The following DAB1 variants were observed in gnomAD, a reference collection of about 807,000 sequenced individuals.
DAB1 encodes the protein DAB adaptor protein 1, also known as disabled homolog 1.
In DAB1, 15 loss-of-function variants were observed where a neutral mutation model predicts 64.6. That is an observed-to-expected ratio of 0.23 (90% CI 0.16 to 0.36). DAB1 has a LOEUF of 0.36. DAB1 is among the 10% of genes least tolerant of loss of function. The pLI, the probability that DAB1 is intolerant of heterozygous loss-of-function variation, is 1.00. For missense variants in DAB1, 596 were observed against 706.7 expected, an observed-to-expected ratio of 0.84 and a Z score of 1.78; for synonymous variants, 235 against 251.9, an observed-to-expected ratio of 0.93 and a Z score of 0.64.
At chr1:57,948,773 C>G (rs910685497) in intron 5 of DAB1, among the ~76,000 whole-genome samples, 1 of 152,062 alleles carries the variant, frequency 6.6e-6, no homozygotes, top group African/African-American at 2.4e-5. Context: ...CTGAAGTTAC[C>G]GGGGAAGCCA....
intron 6 of DAB1, among the ~76,000 whole-genome samples, chr1:57,678,297 T>C (rs148536058): frequency 6.6e-6 from 1 of 152,174 alleles, no homozygotes. Flanking sequence ...AGAGCATGCA[T>C]TGAGAACTAA....
At chr1:58,247,740 T>C (rs906891179) in intron 4 of DAB1, among the ~76,000 whole-genome samples, 2 of 152,002 alleles carry the variant, frequency 1.3e-5, no homozygotes, top group Non-Finnish European at 2.9e-5. Context: ...CCCTCTCTGC[T>C]TTTCCTTCCC....
chr1:57,698,939 C>G (rs563371718), intron 6 of DAB1, among the ~76,000 whole-genome samples: 103 of 152,198 alleles, frequency 6.8e-4, no homozygotes, highest in African/African-American at 2.4e-3. Flanking sequence ...AAATTATTTA[C>G]TTAATTAATT....
intron 7 of DAB1, among the ~76,000 whole-genome samples, chr1:57,562,087 G>C (rs765550346): frequency 1.3e-5 from 2 of 152,184 alleles, no homozygotes; most frequent in Non-Finnish European, 2.9e-5. Context: ...AAAGAAGTGT[G>C]GCAGGCCAGG....
intron 1 of DAB1, among the ~76,000 whole-genome samples, chr1:57,836,214 C>T (rs1271329088): frequency 6.6e-6 from 1 of 152,132 alleles, no homozygotes; most frequent in Non-Finnish European, 1.5e-5. Flanking sequence ...ATCCCTATAA[C>T]AACAGGTGAG....
chr1:57,416,548 G>T (rs1163543507), intron 1 of DAB1, among the ~76,000 whole-genome samples: 2 of 152,090 alleles, frequency 1.3e-5, no homozygotes, highest in African/African-American at 2.4e-5. Context: ...TATTGTTAAT[G>T]ATTTTAAGAG....
intron 5 of DAB1, among the ~76,000 whole-genome samples, chr1:58,059,508 C>T (rs1253730256): frequency 6.6e-6 from 1 of 152,212 alleles, no homozygotes; most frequent in Non-Finnish European, 1.5e-5. Flanking sequence ...TGGATACACA[C>T]ATGCCACTGT....
chr1:57,451,632 C>T (rs554975871), intron 7 of DAB1, among the ~76,000 whole-genome samples: 1 of 152,150 alleles, frequency 6.6e-6, no homozygotes, highest in Non-Finnish European at 1.5e-5. Context: ...CTTAGAAAAT[C>T]ATTCCACATT....
intron 3 of DAB1, among the ~76,000 whole-genome samples, chr1:58,420,561 C>T (rs1569754881): frequency 1.3e-5 from 2 of 152,352 alleles, no homozygotes; most frequent in South Asian, 4.1e-4. Context: ...ATACTTGCCA[C>T]ATCACACATC....
chr1:57,782,002 A>C (rs773456693), intron 6 of DAB1, among the ~76,000 whole-genome samples: 1 of 152,190 alleles, frequency 6.6e-6, no homozygotes. Context: ...AAAAACATTA[A>C]TTCACTAATT....
intron 9 of DAB1, among the ~76,000 whole-genome samples, chr1:57,052,146 G>C (rs953797446): frequency 1.0e-4 from 13 of 129,846 alleles, no homozygotes; most frequent in African/African-American, 3.6e-4. Flanking sequence ...GGGCGGGGGG[G>C]CGGGGGGAAG....
intron 6 of DAB1, among the ~76,000 whole-genome samples, chr1:57,676,842 G>T (rs1392843833): frequency 1.3e-5 from 2 of 152,090 alleles, no homozygotes; most frequent in Non-Finnish European, 2.9e-5. Flanking sequence ...GCAAGAACTA[G>T]TTCTAATTTC....
At chr1:57,342,622 T>C (rs1677687294) in intron 1 of DAB1, among the ~76,000 whole-genome samples, 1 of 152,194 alleles carries the variant, frequency 6.6e-6, no homozygotes, top group South Asian at 2.1e-4. Flanking sequence ...CTCACTGACT[T>C]CAAGAATGAA....
At chr1:57,204,217 G>A (rs956380462) in intron 2 of DAB1, among the ~76,000 whole-genome samples, 1 of 152,040 alleles carries the variant, frequency 6.6e-6, no homozygotes, top group East Asian at 1.9e-4. Context: ...AAAAATGCCA[G>A]CAGATTTTTT....
intron 6 of DAB1, among the ~76,000 whole-genome samples, chr1:57,759,614 T>C (rs1226979385): frequency 6.6e-6 from 1 of 152,220 alleles, no homozygotes; most frequent in African/African-American, 2.4e-5. Context: ...TGTTTCATTT[T>C]GTTTTTTCTA....
At chr1:57,588,502 CAAG>C (rs1240590634) in intron 7 of DAB1, among the ~76,000 whole-genome samples, 1 of 151,960 alleles carries the variant, frequency 6.6e-6, no homozygotes, top group Non-Finnish European at 1.5e-5. Flanking sequence ...TCCTGAATAC[CAAG>C]AAGGTTAAAG....
intron 2 of DAB1, among the ~76,000 whole-genome samples, chr1:57,290,433 A>G (rs1400774621): frequency 2.0e-5 from 3 of 152,150 alleles, no homozygotes; most frequent in African/African-American, 7.2e-5. Context: ...CTCAGAAATG[A>G]AGGCTTTATC....
At chr1:57,001,828 A>T (rs1193183337) in intron 14 of DAB1, among the ~76,000 whole-genome samples, 1 of 152,156 alleles carries the variant, frequency 6.6e-6, no homozygotes, top group African/African-American at 2.4e-5. Context: ...TGAAATATCA[A>T]GGCTTCCTGG....
intron 4 of DAB1, among the ~76,000 whole-genome samples, chr1:58,273,628 C>G (rs1367184183): frequency 2.0e-5 from 1 of 48,802 alleles, no homozygotes; most frequent in African/African-American, 6.6e-5. Flanking sequence ...TCCATTCTCC[C>G]CATCGCTTTC....
Sources: allele counts gnomAD v4.1 joint callset (sites outside exome capture counted in the v4.1 genomes callset), GRCh38; gene constraint gnomAD v4.1.1; transcripts MANE v1.5; gene names NCBI Gene and HGNC (gene_info 2026-07-23, HGNC 2026-07-21).